Variants in RDH13 observed in about 807,000 individuals in gnomAD.
RDH13 encodes retinol dehydrogenase 13 (all-trans and 9-cis).
RDH13 carries 35 observed loss-of-function variants against 28.3 expected under a neutral mutation model. The ratio of observed to expected loss-of-function variants is 1.24; its 90% CI spans 0.95 to 1.64. The LOEUF is 1.64. RDH13 is among the 40% of genes most tolerant of loss of function. The probability of loss-of-function intolerance (pLI) is 0.00; values close to 1 mark genes in which losing one functional copy is unlikely to be tolerated. For synonymous variants in RDH13, 229 were observed against 198.5 expected (o/e 1.15, Z -1.29); for missense variants, 514 against 446.3 (o/e 1.15, Z -1.37).
chr19:55,047,337 G>A (rs1228680397), intron 6 of RDH13, 50 bp downstream of exon 6: 3 of 1,589,220 alleles, frequency 1.9e-6, no homozygotes, highest in Admixed American at 3.5e-5. Flanking sequence ...GGCTGAGAAA[G>A]CAGGGGTGGA....
At chr19:55,043,426 A>G (rs1295944100), downstream of RDH13, among the ~76,000 whole-genome samples, 1 of 152,030 alleles carries the variant, frequency 6.6e-6, no homozygotes, top group Non-Finnish European at 1.5e-5. Flanking sequence ...GCTCACACCT[A>G]TAATCCCAGC....
At chr19:55,068,794 C>T (rs1055903946) in intron 1 of RDH13, 8 of 142,474 alleles carry the variant, frequency 5.6e-5, no homozygotes, top group Admixed American at 2.2e-4. Context: ...CGAGATCGCG[C>T]CACTGCACTC....
intron 3 of RDH13, among the ~76,000 whole-genome samples, chr19:55,053,302 G>A (rs78487805): frequency 0.027 from 4,074 of 152,172 alleles, 86 homozygotes; most frequent in Non-Finnish European, 0.038. Flanking sequence ...TTGATCTTAG[G>A]AAAACACCAA....
intron 3 of RDH13, among the ~76,000 whole-genome samples, chr19:55,051,430 C>CTT (rs956534758): frequency 2.7e-5 from 4 of 146,002 alleles, no homozygotes; most frequent in South Asian, 2.2e-4. Flanking sequence ...GGTTTTTTTT[C>CTT]TTTTTTTTTT....
chr19:55,044,218 T>TGCCTTGTTTCCTAAAAG (rs1252295445), downstream of RDH13: 2 of 152,256 alleles, frequency 1.3e-5, no homozygotes, highest in Non-Finnish European at 2.9e-5. Context: ...GATAAACTGA[T>TGCCTTGTTTCCTAAAAG]GCCTTGTTTC....
Position 55,044,752 on chromosome 19 carries a change from C to T in RDH13, c.*322G>A, listed in dbSNP as rs1602693694. ...ACCTTGGAACCCTCCCCGACAGGCA[C>T]CGCTGGCTCTCCTGACGTGGCCTGC... On this transcript the variant is annotated 3_prime_UTR_variant, in exon 7 of 7. Transcript: ENST00000415061. The T allele has an allele frequency of 2.6e-6, 1 of 377,682 alleles. No homozygotes were observed. The highest frequency in any genetic ancestry group is 7.2e-5 in the South Asian group (1 of 13,798). 23.4% of individuals were successfully genotyped at this position (377,682 alleles called of 1,614,324 possible). A position where few individuals can be genotyped will look rare whatever the true frequency, so the allele number is the denominator to read the frequency against.
intron 3 of RDH13, chr19:55,053,850 T>TG (rs991169197): frequency 6.6e-6 from 1 of 152,166 alleles, no homozygotes; most frequent in African/African-American, 2.4e-5. Context: ...AGAGGCGCCC[T>TG]GGGTGGGATT....
chr19:55,066,159 C>T (rs2147092349), upstream of RDH13, among the ~76,000 whole-genome samples: 1 of 152,354 alleles, frequency 6.6e-6, no homozygotes, highest in South Asian at 2.1e-4. Context: ...CTGAGGATCT[C>T]CTACCTGATT....
intron 3 of RDH13, among the ~76,000 whole-genome samples, chr19:55,049,862 TCTCAGGGCC>T (rs1189204617): frequency 1.3e-5 from 2 of 150,624 alleles, no homozygotes; most frequent in Non-Finnish European, 2.9e-5. Flanking sequence ...GCTGGTTCCC[TCTCAGGGCC>T]CTCAGGGAGG....
intron 5 of RDH13, 100 bp downstream of exon 5, chr19:55,048,229 C>G (rs1392016855): frequency 1.3e-6 from 2 of 1,565,104 alleles, no homozygotes. Context: ...TGACTCTGTT[C>G]TGGATCCACC....
Position 55,044,963 on chromosome 19 carries a change from G to A in RDH13, c.*111C>T. The A allele has an allele frequency of 1.3e-6, 1 of 796,612 alleles. No homozygotes were observed. Among genetic ancestry groups the A allele is most frequent in the East Asian group, 2.6e-5 (1 of 37,762 alleles). 49.3% of individuals were successfully genotyped at this position (796,612 alleles called of 1,614,324 possible). A position where few individuals can be genotyped will look rare whatever the true frequency, so the allele number is the denominator to read the frequency against. On this transcript the variant is annotated 3_prime_UTR_variant, in exon 7 of 7. Coordinates refer to ENST00000415061, the MANE Select transcript of RDH13 (RefSeq NM_001145971.2). ...CCTAGAACCTACTGCGGGCATGGCG[G>A]CCGCCAGTCCTGGGTCTCCCGGCTC...
intron 1 of RDH13, among the ~76,000 whole-genome samples, chr19:55,060,119 C>T (rs927175828): frequency 4.7e-5 from 7 of 150,158 alleles, no homozygotes; most frequent in Non-Finnish European, 8.9e-5. Context: ...GCCCAACACC[C>T]GTAAAGGGTC....
chr19:55,058,550 C>A (rs904292812), intron 2 of RDH13, among the ~76,000 whole-genome samples: 2 of 152,150 alleles, frequency 1.3e-5, no homozygotes, highest in African/African-American at 4.8e-5. Flanking sequence ...ACCATTCCAA[C>A]TTCTCTATGA....
intron 1 of RDH13, 111 bp downstream of exon 1, chr19:55,062,857 G>A: frequency 1.0e-6 from 1 of 974,312 alleles, no homozygotes; most frequent in Non-Finnish European, 1.4e-6. Context: ...CTGCGGGTCG[G>A]GAGCTACGGG....
At chr19:55,065,160 G>T (rs1326289885), upstream of RDH13, among the ~76,000 whole-genome samples, 1 of 151,330 alleles carries the variant, frequency 6.6e-6, no homozygotes, top group Non-Finnish European at 1.5e-5. Context: ...CCAAAGTGGA[G>T]AATAGTATGA....
chr19:55,052,498 C>T (rs190829350), intron 3 of RDH13, among the ~76,000 whole-genome samples: 3 of 150,530 alleles, frequency 2.0e-5, no homozygotes, highest in African/African-American at 7.3e-5. Flanking sequence ...GAGCCAAGAT[C>T]CCGTCATTGC....
chr19:55,054,720 C>T (rs2075573189), intron 3 of RDH13, among the ~76,000 whole-genome samples: 1 of 147,800 alleles, frequency 6.8e-6, no homozygotes, highest in South Asian at 2.2e-4. Context: ...AGGCACATGC[C>T]AGGATGCCCG....
At chr19:55,047,523 G>T in intron 5 of RDH13, 35 bp from the exon 6 acceptor site, 2 of 1,576,534 alleles carry the variant, frequency 1.3e-6, no homozygotes, top group Non-Finnish European at 8.6e-7. Flanking sequence ...TGAGGGAGGG[G>T]TCCAGCCTCA....
At position 55,047,409 on chromosome 19, in the gene RDH13, G is replaced by A. The variant is rs2075272475; in HGVS notation, c.738C>T (p.Ser246=). 4 of 1,612,040 alleles carry A rather than the reference G, an allele frequency of 2.5e-6. No individual in the cohort carries two copies. The African/African-American group carries it at 4.0e-5, about 16-fold the overall frequency. ...CACCGAGTGTGGTGCTGGAGAAGGT[G>A]GAGCCATGGATGCCCGTGTGTCTGC... ...ELGRHTGIHG[S]TFSSTTLGPI... is the part of the protein sequence containing the mutation. Residue 246 remains serine, a synonymous_variant, in exon 6 of 7, where the codon TCC becomes TCT. Coordinates refer to ENST00000415061, the MANE Select transcript of RDH13 (RefSeq NM_001145971.2).
Sources: gnomAD v4.1 joint callset for allele counts (sites outside exome capture counted in the v4.1 genomes callset) on GRCh38, gnomAD v4.1.1 for gene constraint, MANE v1.5 for transcripts, NCBI Gene and HGNC (gene_info 2026-07-23, HGNC 2026-07-21) for gene names.